VPS13C: variants seen among roughly 807,000 people sequenced by gnomAD.
VPS13C encodes intermembrane lipid transfer protein VPS13C.
In VPS13C, 358 loss-of-function variants were observed where a neutral mutation model predicts 456.8. The ratio of observed to expected loss-of-function variants is 0.78; its 90% CI spans 0.72 to 0.86. VPS13C has a LOEUF of 0.86. VPS13C is among the 40% of genes least tolerant of loss of function. The pLI, the probability that VPS13C is intolerant of heterozygous loss-of-function variation, is 0.00. For synonymous variants in VPS13C, 1,578 were observed against 1,486.7 expected (o/e 1.06, Z -1.41); for missense variants, 4,818 against 4,385.4 (o/e 1.10, Z -2.79).
intron 3 of VPS13C, among the ~76,000 whole-genome samples, chr15:62,036,191 T>A (rs140454176): frequency 3.9e-5 from 6 of 152,132 alleles, no homozygotes; most frequent in African/African-American, 1.4e-4. Context: ...ATCAAGATTT[T>A]CAGGAGAAAA....
chr15:61,907,769 A>C (rs1400467745), intron 65 of VPS13C, among the ~76,000 whole-genome samples: 1 of 152,312 alleles, frequency 6.6e-6, no homozygotes, highest in South Asian at 2.1e-4. Context: ...TTTTAAAGAC[A>C]GGGTCTCCCT....
intron 67 of VPS13C, among the ~76,000 whole-genome samples, chr15:61,889,683 A>G (rs1410864612): frequency 6.6e-6 from 1 of 152,178 alleles, no homozygotes; most frequent in African/African-American, 2.4e-5. Flanking sequence ...TTATGTACTC[A>G]TATCAAATAC....
At chr15:61,882,456 T>C in intron 69 of VPS13C, 140 bp downstream of exon 69, 1 of 824,260 alleles carries the variant, frequency 1.2e-6, no homozygotes, top group Non-Finnish European at 1.7e-6. Flanking sequence ...ATAAACAGGA[T>C]ATGTGGAAAA....
rs1323463102 is a variant in VPS13C at position 61,991,036 on chromosome 15, A to G, written c.1542T>C (p.Tyr514=). ...EKDKLFTAIG[Y]SESTHNLTLP... ...AAGTTAGGTTGTGGGTACTCTCACT[A>G]TAACCAATGGCAGTGAAGAGTTTAT... The change falls in exon 18 of 85, where the codon TAT becomes TAC. Residue 514 remains tyrosine (Y), a synonymous_variant. Transcript: ENST00000644861. 2.5e-6 allele frequency: 4 copies of G among 1,612,834 alleles called. No homozygotes were observed. The highest frequency in any genetic ancestry group is 1.3e-5 in the African/African-American group (1 of 74,860).
At chr15:62,021,439 T>A (rs1248133382) in intron 8 of VPS13C, among the ~76,000 whole-genome samples, 1 of 151,918 alleles carries the variant, frequency 6.6e-6, no homozygotes, top group Non-Finnish European at 1.5e-5. Context: ...TCTGTCAACA[T>A]TAAGTTTTTG....
chr15:62,013,057 T>C lies in VPS13C; in HGVS notation c.807A>G (p.Arg269=), dbSNP rs756810267. ...ATATTACCAAAATCTGTTCCCTTGA[T>C]CTCTGGTAAGACATGCTGCAATTTA... ...WNVNCSMSYQ[R]SREQILDQLK... Residue 269 remains arginine (R), a synonymous_variant, in exon 11 of 85, where the codon AGA becomes AGG. Transcript: ENST00000644861. 1 of 1,610,516 alleles carries C rather than the reference T, an allele frequency of 6.2e-7. No individual in the cohort carries two copies. Among genetic ancestry groups the C allele is most frequent in the South Asian group, 1.1e-5 (1 of 90,598 alleles).
chr15:61,900,269 C>T (rs867805707), intron 66 of VPS13C, among the ~76,000 whole-genome samples: 1,660 of 152,226 alleles, frequency 0.011, 38 homozygotes, highest in African/African-American at 0.038. Flanking sequence ...CCAGGGCAAT[C>T]AGGCAGGAGA....
chr15:61,974,842 T>C (rs2045656999), intron 24 of VPS13C, among the ~76,000 whole-genome samples: 1 of 152,130 alleles, frequency 6.6e-6, no homozygotes, highest in South Asian at 2.1e-4. Flanking sequence ...TTTATATTTG[T>C]TTATGTCTCC....
intron 66 of VPS13C, among the ~76,000 whole-genome samples, chr15:61,902,965 A>T (rs1055449453): frequency 2.0e-5 from 3 of 150,908 alleles, no homozygotes; most frequent in African/African-American, 7.3e-5. Context: ...CACACACATT[A>T]AAAAAAAAGA....
chr15:61,864,460 A>T, intron 81 of VPS13C: 2 of 825,978 alleles, frequency 2.4e-6, no homozygotes, highest in Non-Finnish European at 2.9e-6. Flanking sequence ...GAAAATAGAT[A>T]ATATATATGA....
chr15:61,979,934 A>C (rs1237726741), intron 22 of VPS13C, among the ~76,000 whole-genome samples: 1 of 152,110 alleles, frequency 6.6e-6, no homozygotes, highest in African/African-American at 2.4e-5. Flanking sequence ...CTGTAATCCC[A>C]GCACTTTGGG....
chr15:61,958,690 A>T lies in VPS13C; in HGVS notation c.4083T>A (p.Asn1361Lys). 1 of 1,556,898 alleles carries T rather than the reference A, an allele frequency of 6.4e-7. No homozygotes were observed. Among genetic ancestry groups the T allele is most frequent in the Non-Finnish European group, 8.7e-7 (1 of 1,155,504 alleles). The change falls in exon 37 of 85, where the codon AAT (asparagine) becomes AAA (lysine). Residue 1361 changes from asparagine (N) to lysine (K), a missense_variant. Transcript: ENST00000644861. The stretch of plus-strand genomic sequence containing the variant: ...TTTCTGTTAGTATCCTAAATAAAAG[A>T]TTAAGATCTTCTTGATTTAGACTAA... ...MNVSLNQEDLNLLFRILTENL... is the reference protein window; with the variant it reads ...MNVSLNQEDLKLLFRILTENL...
At chr15:62,045,171 A>T (rs535387457) in intron 1 of VPS13C, among the ~76,000 whole-genome samples, 36 of 152,214 alleles carry the variant, frequency 2.4e-4, no homozygotes, top group African/African-American at 8.7e-4. Flanking sequence ...AGCACCCATT[A>T]TATGTTAGGT....
chr15:61,939,053 T>C lies in VPS13C; in HGVS notation c.5601+1594A>G, dbSNP rs1216634885. Reference sequence around the variant, plus strand: ...ATATCAATTTTGTTTGATATAGTTCTATTTTATTCACTTTATCTGCTTTAC... The same window carrying C: ...ATATCAATTTTGTTTGATATAGTTCCATTTTATTCACTTTATCTGCTTTAC... On this transcript the variant is annotated intron_variant, in intron 47 of 84. Transcript: ENST00000644861. 2.0e-5 allele frequency among the ~76,000 whole-genome samples: 3 copies of C among 152,262 alleles called. No homozygotes were observed. In the East Asian group the frequency reaches 5.8e-4, roughly 29 times the overall value.
Position 61,890,311 on chromosome 15 carries a change from G to A in VPS13C, c.9195C>T (p.Thr3065=), listed in dbSNP as rs114363669. ...CTTTGGAAACCAAGGCAACATCATC[G>A]GTGAAAAGCAAAACTCTCTGGCGCC... ...LDGRQRVLLF[T]DDVALVSKAL... is the part of the protein sequence containing the mutation. The change falls in exon 67 of 85, where the codon ACC becomes ACT. Residue 3065 remains threonine (T), a synonymous_variant. Transcript: ENST00000644861. 20 of 1,613,950 alleles carry A rather than the reference G, an allele frequency of 1.2e-5. No individual in the cohort carries two copies. The highest frequency in any genetic ancestry group is 9.3e-5 in the African/African-American group (7 of 74,988).
Position 61,854,388 on chromosome 15 carries a change from A to G in VPS13C, c.*69T>C. ...TTGAAAAATTGTCTTTAGCAAGATA[A>G]AGCAGAGTGACTTATAGACAAGACC... On this transcript the variant is annotated 3_prime_UTR_variant, in exon 85 of 85. Coordinates refer to ENST00000644861, the MANE Select transcript of VPS13C (RefSeq NM_020821.3). 7.2e-7 allele frequency: 1 copy of G among 1,386,644 alleles called. No individual in the cohort carries two copies. Among genetic ancestry groups the G allele is most frequent in the Middle Eastern group, 1.8e-4 (1 of 5,638 alleles). 85.9% of individuals were successfully genotyped at this position (1,386,644 alleles called of 1,614,324 possible).
At chr15:61,894,586 T>C (rs1336634629) in intron 66 of VPS13C, among the ~76,000 whole-genome samples, 1 of 151,786 alleles carries the variant, frequency 6.6e-6, no homozygotes, top group African/African-American at 2.4e-5. Flanking sequence ...TAGGAGTAGC[T>C]ATGCTTAGTT....
intron 83 of VPS13C, 37 bp downstream of exon 83, chr15:61,856,249 G>C: frequency 6.2e-7 from 1 of 1,606,936 alleles, no homozygotes. Flanking sequence ...TAAAAGCAAT[G>C]AACTCTTAGC....
intron 6 of VPS13C, among the ~76,000 whole-genome samples, chr15:62,025,550 G>A (rs934107982): frequency 1.3e-5 from 2 of 152,042 alleles, no homozygotes; most frequent in Non-Finnish European, 2.9e-5. Flanking sequence ...CAGCTGCCTC[G>A]TGTTAAATTC....
Sources: gnomAD v4.1 joint callset for allele counts (sites outside exome capture counted in the v4.1 genomes callset) on GRCh38, gnomAD v4.1.1 for gene constraint, MANE v1.5 for transcripts, NCBI Gene and HGNC (gene_info 2026-07-23, HGNC 2026-07-21) for gene names.